Variants in MAGI2 observed in about 807,000 individuals in gnomAD.
The protein encoded by MAGI2 is membrane-associated guanylate kinase, WW and PDZ domain-containing protein 2.
Under a neutral mutation model 133.3 loss-of-function variants are expected in MAGI2, and 35 were observed. That is an observed-to-expected ratio of 0.26 (90% CI 0.20 to 0.35). The LOEUF (loss-of-function observed/expected upper bound fraction) is 0.35, where lower values mean the gene tolerates loss of function less well. MAGI2 is among the 10% of genes least tolerant of loss of function. The pLI is 1.00. For missense variants in MAGI2, 1,636 were observed against 1,863.4 expected (o/e 0.88, Z 2.25); for synonymous variants, 729 against 710.6 (o/e 1.03, Z -0.41).
intron 6 of MAGI2, among the ~76,000 whole-genome samples, chr7:78,398,809 C>G (rs1796592261): frequency 1.3e-5 from 2 of 152,080 alleles, no homozygotes; most frequent in South Asian, 4.1e-4. Context: ...CACCAGCTCA[C>G]CCTAGTGTTT....
At chr7:79,087,084 C>T (rs1228947842) in intron 1 of MAGI2, among the ~76,000 whole-genome samples, 1 of 151,738 alleles carries the variant, frequency 6.6e-6, no homozygotes, top group Admixed American at 6.6e-5. Flanking sequence ...CAGATATACT[C>T]TACCATTTCC....
rs935062199 is a variant in MAGI2, at chr7:78,330,444, T to C, written c.1408+13334A>G. 4.4e-5 allele frequency among the ~76,000 whole-genome samples: 4 copies of C among 91,706 alleles called. 2 individuals carry two copies. Among genetic ancestry groups the C allele is most frequent in the Non-Finnish European group, 9.3e-5 (4 of 42,878 alleles). The allele number at this position is 91,706 out of a possible 152,430, so 60.2% of individuals were successfully genotyped here. A position where few individuals can be genotyped will look rare whatever the true frequency, so the allele number is the denominator to read the frequency against. On this transcript the variant is annotated intron_variant, in intron 9 of 21. Coordinates refer to ENST00000354212, the MANE Select transcript of MAGI2 (RefSeq NM_012301.4). ...CATCCTGGCTAACACGGTGAAACCC[T>C]GTCTCTACTAAAAATACAAAAAATT...
chr7:78,045,157 C>A (rs1423606466), intron 21 of MAGI2, among the ~76,000 whole-genome samples: 1 of 152,110 alleles, frequency 6.6e-6, no homozygotes, highest in Non-Finnish European at 1.5e-5. Flanking sequence ...TAGAGCGAGA[C>A]TTGGTCTCAA....
At chr7:79,413,273 C>T (rs1336067619) in intron 1 of MAGI2, 1 of 152,088 alleles carries the variant, frequency 6.6e-6, no homozygotes, top group African/African-American at 2.4e-5. Flanking sequence ...AAATCCAGTT[C>T]CTCAGTAATT....
At chr7:78,834,597 G>T (rs1368898094) in intron 2 of MAGI2, among the ~76,000 whole-genome samples, 1 of 152,022 alleles carries the variant, frequency 6.6e-6, no homozygotes, top group Non-Finnish European at 1.5e-5. Context: ...ATGCATTTAG[G>T]TTGCTTCCAC....
chr7:79,285,295 C>T (rs935435962), intron 1 of MAGI2, among the ~76,000 whole-genome samples: 1 of 152,040 alleles, frequency 6.6e-6, no homozygotes, highest in Non-Finnish European at 1.5e-5. Context: ...AATATGACAA[C>T]CAAAGATTCT....
chr7:78,866,297 G>C (rs1230882982), intron 2 of MAGI2, among the ~76,000 whole-genome samples: 1 of 152,140 alleles, frequency 6.6e-6, no homozygotes, highest in Non-Finnish European at 1.5e-5. Flanking sequence ...AGGAAGTCCA[G>C]ATATGGGGAG....
At chr7:78,421,392 G>A (rs566815167) in intron 6 of MAGI2, among the ~76,000 whole-genome samples, 1 of 152,178 alleles carries the variant, frequency 6.6e-6, no homozygotes, top group Non-Finnish European at 1.5e-5. Context: ...TGGCCAAATT[G>A]TAGACATAAT....
intron 16 of MAGI2, among the ~76,000 whole-genome samples, chr7:78,156,186 C>T (rs1378699785): frequency 6.6e-6 from 1 of 152,204 alleles, no homozygotes; most frequent in Non-Finnish European, 1.5e-5. Context: ...TCAGCAAAGG[C>T]ACCTCAGCTG....
chr7:79,141,375 T>G (rs930637870), intron 1 of MAGI2, among the ~76,000 whole-genome samples: 3 of 152,170 alleles, frequency 2.0e-5, no homozygotes, highest in African/African-American at 7.2e-5. Context: ...AGTTTTCCCT[T>G]TCAAATGTCT....
intron 1 of MAGI2, among the ~76,000 whole-genome samples, chr7:79,336,599 G>A (rs1229695565): frequency 6.6e-6 from 1 of 152,092 alleles, no homozygotes; most frequent in Admixed American, 6.5e-5. Flanking sequence ...GAAGATGACT[G>A]AGTAAATGAT....
At chr7:78,612,539 C>G (rs1002992474) in intron 3 of MAGI2, among the ~76,000 whole-genome samples, 1 of 152,146 alleles carries the variant, frequency 6.6e-6, no homozygotes, top group African/African-American at 2.4e-5. Context: ...TAAGGCAATA[C>G]CCTTATATAC....
chr7:78,503,560 C>CCTTCCCCCTCCT (rs1794810904), intron 4 of MAGI2, among the ~76,000 whole-genome samples: 1 of 39,490 alleles, frequency 2.5e-5, no homozygotes, highest in East Asian at 1.2e-3. Context: ...CTCCATCTCC[C>CCTTCCCCCTCCT]CCTCCCCCTC....
At chr7:79,442,530 G>A (rs764865416) in intron 1 of MAGI2, among the ~76,000 whole-genome samples, 1 of 150,932 alleles carries the variant, frequency 6.6e-6, no homozygotes, top group Non-Finnish European at 1.5e-5. Flanking sequence ...TGTTCACTAG[G>A]GTGACTCCCA....
At chr7:78,884,631 C>T (rs908061458) in intron 2 of MAGI2, among the ~76,000 whole-genome samples, 3 of 152,088 alleles carry the variant, frequency 2.0e-5, no homozygotes, top group Admixed American at 6.6e-5. Context: ...TACCATCTTA[C>T]ACCAGTAAGA....
intron 9 of MAGI2, among the ~76,000 whole-genome samples, chr7:78,311,958 A>G (rs942908906): frequency 2.0e-5 from 3 of 151,944 alleles, no homozygotes; most frequent in African/African-American, 7.3e-5. Context: ...TTTAGTAGAG[A>G]CGGGGTTTCA....
intron 1 of MAGI2, among the ~76,000 whole-genome samples, chr7:79,013,589 T>G (rs1808398160): frequency 6.6e-6 from 1 of 152,144 alleles, no homozygotes; most frequent in Non-Finnish European, 1.5e-5. Context: ...ACAAGAAAGT[T>G]GATTGATTCT....
At chr7:78,955,728 T>TCTTTCTTTCTTCCTTTCTTTCTTC (rs1416789088) in intron 2 of MAGI2, among the ~76,000 whole-genome samples, 11 of 28,428 alleles carry the variant, frequency 3.9e-4, no homozygotes, top group African/African-American at 1.1e-3. Flanking sequence ...TCTTTCTCTT[T>TCTTTCTTTCTTCCTTTCTTTCTTC]CTTTCTTTCT....
chr7:79,141,759 TC>T (rs1301839455), intron 1 of MAGI2, among the ~76,000 whole-genome samples: 5 of 151,750 alleles, frequency 3.3e-5, no homozygotes, highest in African/African-American at 1.2e-4. Context: ...GTTTTTTTTT[TC>T]GCAGATCTGG....
Sources: allele counts gnomAD v4.1 joint callset (sites outside exome capture counted in the v4.1 genomes callset), GRCh38; gene constraint gnomAD v4.1.1; transcripts MANE v1.5; gene names NCBI Gene and HGNC (gene_info 2026-07-23, HGNC 2026-07-21).